COL21A1: variants seen among roughly 807,000 people sequenced by gnomAD.
COL21A1 encodes collagen type XXI alpha 1 chain.
In COL21A1, 149 loss-of-function variants were observed where a neutral mutation model predicts 137.9. The ratio of observed to expected loss-of-function variants is 1.08; its 90% CI spans 0.95 to 1.24. COL21A1 has a LOEUF of 1.24. COL21A1 is among the 50% of genes most tolerant of loss of function. The pLI is 0.00. For missense variants in COL21A1, 1,167 were observed against 1,158.4 expected, an observed-to-expected ratio of 1.01 and a Z score of -0.11; for synonymous variants, 456 against 391.5, an observed-to-expected ratio of 1.16 and a Z score of -1.95.
chr6:56,322,858 G>A (rs1165189577), intron 1 of COL21A1, among the ~76,000 whole-genome samples: 2 of 139,504 alleles, frequency 1.4e-5, no homozygotes, highest in Non-Finnish European at 3.0e-5. Flanking sequence ...CCCAGAGGTC[G>A]ATGGATCAAA....
chr6:56,296,955 A>G (rs1305871545), intron 1 of COL21A1, among the ~76,000 whole-genome samples: 3 of 151,998 alleles, frequency 2.0e-5, no homozygotes, highest in Non-Finnish European at 4.4e-5. Context: ...ATTAGGCTCA[A>G]CCTAGGCTAT....
At chr6:56,343,768 C>T (rs564598172) in intron 1 of COL21A1, among the ~76,000 whole-genome samples, 29 of 152,218 alleles carry the variant, frequency 1.9e-4, no homozygotes, top group African/African-American at 6.5e-4. Context: ...TAGCAAGATC[C>T]TGTTTGTACA....
intron 17 of COL21A1, among the ~76,000 whole-genome samples, chr6:56,095,109 T>C (rs1010600970): frequency 6.6e-5 from 10 of 152,194 alleles, no homozygotes; most frequent in Admixed American, 2.0e-4. Context: ...TTATTGAAAT[T>C]TTATTAATTT....
chr6:56,302,324 C>A (rs1398773291), intron 1 of COL21A1, among the ~76,000 whole-genome samples: 17 of 152,114 alleles, frequency 1.1e-4, no homozygotes, highest in Non-Finnish European at 1.5e-4. Flanking sequence ...ACAATGGTTG[C>A]ACTAGTTTAC....
Position 56,176,697 on chromosome 6 carries a change from T to G in COL21A1, c.640+2881A>C, listed in dbSNP as rs561768073. 2.2e-5 allele frequency among the ~76,000 whole-genome samples: 3 copies of G among 139,516 alleles called. No individual in the cohort carries two copies. In the East Asian group the frequency reaches 6.5e-4, roughly 30 times the overall value. The allele number at this position is 139,516 out of a possible 152,430, so 91.5% of individuals were successfully genotyped here. A position where few individuals can be genotyped will look rare whatever the true frequency, so the allele number is the denominator to read the frequency against. ...GGAGGGAGGGAAGGAAGGAGGGAGGTTTCAGTCAAGCAAGATGAAAAAGTT... is the reference window on the plus strand; with the variant it reads ...GGAGGGAGGGAAGGAAGGAGGGAGGGTTCAGTCAAGCAAGATGAAAAAGTT... On this transcript the variant is annotated intron_variant, in intron 3 of 29. Coordinates refer to ENST00000244728, the MANE Select transcript of COL21A1 (RefSeq NM_030820.4).
chr6:56,099,503 TG>T (rs1268396338), intron 17 of COL21A1, among the ~76,000 whole-genome samples: 1 of 152,060 alleles, frequency 6.6e-6, no homozygotes, highest in East Asian at 1.9e-4. Flanking sequence ...CCCAAAGTGC[TG>T]GGATTACAAG....
intron 1 of COL21A1, among the ~76,000 whole-genome samples, chr6:56,187,441 T>C (rs1323506016): frequency 1.3e-5 from 2 of 152,176 alleles, no homozygotes; most frequent in Admixed American, 6.5e-5. Flanking sequence ...AGCAACTTAC[T>C]ATAAGCTGCA....
chr6:56,214,911 A>G (rs1173501239), intron 1 of COL21A1, among the ~76,000 whole-genome samples: 1 of 152,114 alleles, frequency 6.6e-6, no homozygotes, highest in African/African-American at 2.4e-5. Flanking sequence ...TAGGCACAAC[A>G]AATAAAAAGA....
intron 1 of COL21A1, among the ~76,000 whole-genome samples, chr6:56,259,978 G>T (rs1490173098): frequency 2.4e-4 from 37 of 152,112 alleles, no homozygotes; most frequent in African/African-American, 8.9e-4. Flanking sequence ...TCATTATTGA[G>T]GAAAGAAAGC....
intron 1 of COL21A1, among the ~76,000 whole-genome samples, chr6:56,258,089 G>T (rs970833237): frequency 2.6e-5 from 4 of 151,642 alleles, no homozygotes; most frequent in Non-Finnish European, 5.9e-5. Flanking sequence ...TATTCTTAAG[G>T]GGTGTCTTTT....
intron 10 of COL21A1, among the ~76,000 whole-genome samples, chr6:56,146,013 C>A (rs1260808201): frequency 6.6e-6 from 1 of 152,004 alleles, no homozygotes; most frequent in Non-Finnish European, 1.5e-5. Flanking sequence ...ATAAAATCCC[C>A]AAATGTGCAA....
chr6:56,390,478 C>T (rs1218921456), intron 1 of COL21A1, among the ~76,000 whole-genome samples: 1 of 144,732 alleles, frequency 6.9e-6, no homozygotes, highest in Non-Finnish European at 1.5e-5. Context: ...TAATCAAATA[C>T]ATAGAGTGGC....
chr6:56,098,575 AAATATATATAAATATATAAAT>A, intron 17 of COL21A1, among the ~76,000 whole-genome samples: 1 of 36,454 alleles, frequency 2.7e-5, no homozygotes. Context: ...AAATATATAT[AAATATATATAAATATATAAAT>A]ATATATATAA....
intron 16 of COL21A1, 30 bp from the exon 17 acceptor site, chr6:56,101,555 G>T: frequency 6.5e-7 from 1 of 1,539,306 alleles, no homozygotes; most frequent in Non-Finnish European, 8.8e-7. Flanking sequence ...AAGAAATAGA[G>T]AATTCAGTTT....
intron 1 of COL21A1, among the ~76,000 whole-genome samples, chr6:56,367,483 C>T (rs922512116): frequency 6.6e-6 from 1 of 152,174 alleles, no homozygotes; most frequent in Admixed American, 6.5e-5. Flanking sequence ...AGAAAACACT[C>T]CCACTCTTCT....
Position 56,072,354 on chromosome 6 carries a change from T to C in COL21A1, c.1966-1556A>G, listed in dbSNP as rs566169070. Among the ~76,000 whole-genome samples the C allele has an allele frequency of 2.6e-5, 4 of 151,624 alleles. No individual in the cohort carries two copies. In the South Asian group the frequency reaches 6.2e-4, roughly 24 times the overall value. ...GGCAGATTTTTTTAAAACCAAAACA[T>C]AGTATAGTTAAATAGGCTTATAAAT... On this transcript the variant is annotated intron_variant, in intron 20 of 29. Coordinates refer to ENST00000244728, the MANE Select transcript of COL21A1 (RefSeq NM_030820.4).
At chr6:56,216,273 A>G (rs1179077347) in intron 1 of COL21A1, among the ~76,000 whole-genome samples, 1 of 152,080 alleles carries the variant, frequency 6.6e-6, no homozygotes, top group African/African-American at 2.4e-5. Flanking sequence ...AAGCCAACTC[A>G]GATACATCCA....
chr6:56,101,818 A>G (rs1214153121), intron 16 of COL21A1, among the ~76,000 whole-genome samples: 6 of 152,166 alleles, frequency 3.9e-5, no homozygotes, highest in Non-Finnish European at 7.4e-5. Flanking sequence ...CTTCCAAGGT[A>G]AATGTGACCA....
At chr6:56,112,486 C>A (rs1244228208) in intron 16 of COL21A1, among the ~76,000 whole-genome samples, 1 of 151,976 alleles carries the variant, frequency 6.6e-6, no homozygotes, top group Admixed American at 6.5e-5. Flanking sequence ...AAAAAACAAT[C>A]CTGAATTACC....
Sources: gnomAD v4.1 joint callset for allele counts (sites outside exome capture counted in the v4.1 genomes callset) on GRCh38, gnomAD v4.1.1 for gene constraint, MANE v1.5 for transcripts, NCBI Gene and HGNC (gene_info 2026-07-23, HGNC 2026-07-21) for gene names.